GGA3: variants seen among roughly 807,000 people sequenced by gnomAD.
GGA3 encodes the protein ADP-ribosylation factor-binding protein GGA3.
In GGA3, 57 loss-of-function variants were observed where a neutral mutation model predicts 77.5. The ratio of observed to expected loss-of-function variants is 0.74; its 90% CI spans 0.59 to 0.92. The LOEUF (loss-of-function observed/expected upper bound fraction) is 0.92, where lower values mean the gene tolerates loss of function less well. Ranked by LOEUF, GGA3 falls within the 40% of genes least tolerant of loss-of-function variation. GGA3 has a pLI of 0.00. For missense variants in GGA3, 970 were observed against 914.9 expected (o/e 1.06, Z -0.78); for synonymous variants, 416 against 383.7 (o/e 1.08, Z -0.98).
At chr17:75,247,245 A>T (rs1229494914) in intron 1 of GGA3, among the ~76,000 whole-genome samples, 1 of 151,054 alleles carries the variant, frequency 6.6e-6, no homozygotes, top group Non-Finnish European at 1.5e-5. Flanking sequence ...ATAAAAAAAT[A>T]CATATTTGTA....
At position 75,243,138 on chromosome 17, in the gene GGA3, A is replaced by G; in HGVS notation, c.453T>C (p.Pro151=). 6.2e-7 allele frequency: 1 copy of G among 1,612,072 alleles called. No individual in the cohort carries two copies. Among genetic ancestry groups the G allele is most frequent in the Non-Finnish European group, 8.5e-7 (1 of 1,179,276 alleles). The part of the protein sequence containing the change: ...QGIVQSDPPI[P]VDRTLIPSPP... The stretch of plus-strand genomic sequence containing the variant: ...GAGAGGGGATCAGCGTCCTATCCAC[A>G]GGAATTGGTGGGTCAGACTGCACTA... The change falls in exon 6 of 17, where the codon CCT becomes CCC. Residue 151 remains proline (P), a synonymous_variant. Transcript: ENST00000537686.
chr17:75,248,468 C>CAAAAAAGAAAAA (rs2076833504), intron 1 of GGA3, among the ~76,000 whole-genome samples: 1 of 19,758 alleles, frequency 5.1e-5, no homozygotes, highest in Admixed American at 9.7e-4. Flanking sequence ...GACTCCGTCT[C>CAAAAAAGAAAAA]AAAAAAAAAA....
At position 75,237,053 on chromosome 17, in the gene GGA3, C is replaced by T. The variant is rs942546760; in HGVS notation, c.*1226G>A. 1 of 216,036 alleles carries T rather than the reference C, an allele frequency of 4.6e-6. No individual in the cohort carries two copies. The highest frequency in any genetic ancestry group is 9.4e-6 in the Non-Finnish European group (1 of 106,744). The allele number at this position is 216,036 out of a possible 1,614,324, so 13.4% of individuals were successfully genotyped here. A position where few individuals can be genotyped will look rare whatever the true frequency, so the allele number is the denominator to read the frequency against. On this transcript the variant is annotated 3_prime_UTR_variant, in exon 17 of 17. Coordinates refer to ENST00000537686, the MANE Select transcript of GGA3 (RefSeq NM_138619.4). ...TTGTTCACCTGGGCTCCGCAAGCTTCCCCCGTGTCTATGGCAGCTGGTGAT... is the reference window on the plus strand; with the variant it reads ...TTGTTCACCTGGGCTCCGCAAGCTTTCCCCGTGTCTATGGCAGCTGGTGAT...
rs1359433716 is a variant in GGA3, at chr17:75,238,208, G to T, written c.*71C>A. On this transcript the variant is annotated 3_prime_UTR_variant, in exon 17 of 17. Transcript: ENST00000537686. ...CTGTTGTCAGGGCATGGAGAGTGAC[G>T]GGACCAGAGCCCTCCTCGTCTCAGG... 5 of 1,570,962 alleles carry T rather than the reference G, an allele frequency of 3.2e-6. No individual in the cohort carries two copies. The African/African-American group carries it at 5.4e-5, about 17-fold the overall frequency.
At chr17:75,238,614 G>A in intron 16 of GGA3, 38 bp downstream of exon 16, 1 of 1,422,220 alleles carries the variant, frequency 7.0e-7, no homozygotes, top group Non-Finnish European at 9.8e-7. Flanking sequence ...GGGCAGCTGG[G>A]GCCTCAGGCT....
At chr17:75,252,819 T>C (rs1331753044) in intron 1 of GGA3, among the ~76,000 whole-genome samples, 4 of 152,202 alleles carry the variant, frequency 2.6e-5, no homozygotes, top group Admixed American at 2.6e-4. Flanking sequence ...TTAAGAAGGT[T>C]CTTCGTAATT....
At chr17:75,245,648 C>G (rs1396282121) in intron 3 of GGA3, among the ~76,000 whole-genome samples, 1 of 152,172 alleles carries the variant, frequency 6.6e-6, no homozygotes, top group African/African-American at 2.4e-5. Flanking sequence ...CCTCAGCCTC[C>G]CGAGGAGCTG....
At chr17:75,257,804 A>C (rs1389523469) in intron 1 of GGA3, among the ~76,000 whole-genome samples, 1 of 152,030 alleles carries the variant, frequency 6.6e-6, no homozygotes, top group East Asian at 1.9e-4. Flanking sequence ...CTGCCCCAAC[A>C]CTTCAACACT....
chr17:75,248,544 T>C (rs1567795152), intron 1 of GGA3, among the ~76,000 whole-genome samples: 1 of 144,112 alleles, frequency 6.9e-6, no homozygotes, highest in Non-Finnish European at 1.5e-5. Flanking sequence ...CCCAACACTT[T>C]GGGAGGCCGA....
rs1338231649 is a variant in GGA3, at chr17:75,243,101, G to T, written c.490C>A (p.Pro164Thr). The change falls in exon 6 of 17, where the codon CCC becomes ACC. Residue 164 changes from proline to threonine, a missense_variant. Transcript: ENST00000537686. ...RTLIPSPPPRPKNPVFDDEEK... is the reference protein window; with the variant it reads ...RTLIPSPPPRTKNPVFDDEEK... The stretch of plus-strand genomic sequence containing the variant: ...TCATCATCAAAAACAGGGTTTTTGG[G>T]ACGAGGTGGTGGAGAGGGGATCAGC... 1 of 1,613,654 alleles carries T rather than the reference G, an allele frequency of 6.2e-7. No individual in the cohort carries two copies. Among genetic ancestry groups the T allele is most frequent in the South Asian group, 1.1e-5 (1 of 91,008 alleles).
Position 75,242,888 on chromosome 17 carries a change from G to A in GGA3, c.552C>T (p.Ser184=), listed in dbSNP as rs1381180317. ...KSKLLAKLLK[S]KNPDDLQEAN... is the part of the protein sequence containing the mutation. ...CCTCCTGCAGGTCATCTGGGTTTTTGCTTTTCAGCAGCTTGGCTAAAAGCT... is the reference window on the plus strand; with the variant it reads ...CCTCCTGCAGGTCATCTGGGTTTTTACTTTTCAGCAGCTTGGCTAAAAGCT... The change falls in exon 7 of 17, where the codon AGC becomes AGT. Residue 184 remains serine, a synonymous_variant. Coordinates refer to ENST00000537686, the MANE Select transcript of GGA3 (RefSeq NM_138619.4). 1.2e-6 allele frequency: 2 copies of A among 1,613,928 alleles called. No individual in the cohort carries two copies. The highest frequency in any genetic ancestry group is 1.7e-6 in the Non-Finnish European group (2 of 1,179,768).
At chr17:75,258,371 A>G (rs1245434759) in intron 1 of GGA3, among the ~76,000 whole-genome samples, 1 of 152,196 alleles carries the variant, frequency 6.6e-6, no homozygotes, top group Non-Finnish European at 1.5e-5. Flanking sequence ...GCAGAAATTT[A>G]AACTTCTTCG....
chr17:75,258,330 C>G (rs549017228), intron 1 of GGA3, among the ~76,000 whole-genome samples: 1 of 152,260 alleles, frequency 6.6e-6, no homozygotes, highest in Admixed American at 6.5e-5. Context: ...CCGATTTCAC[C>G]TAGTACAGAA....
At position 75,240,968 on chromosome 17, in the gene GGA3, G is replaced by T. The variant is rs2076533015; in HGVS notation, c.1036C>A (p.Pro346Thr). Residue 346 changes from proline to threonine, a missense_variant, in exon 11 of 17, where the codon CCT becomes ACT. Transcript: ENST00000537686. ...GGGATGCCTGAGGAGGGTGGAGTAG[G>T]TGCTGGGGCCAACACGGAGGACAAA... is the stretch of plus-strand genomic sequence containing the variant. ...NSLSSVLAPA[P>T]TPPSSGIPIL... 1 of 1,614,056 alleles carries T rather than the reference G, an allele frequency of 6.2e-7. No individual in the cohort carries two copies. Among genetic ancestry groups the T allele is most frequent in the Non-Finnish European group, 8.5e-7 (1 of 1,180,020 alleles).
rs2076565546 is a variant in GGA3, at chr17:75,241,682, C to T, written c.762G>A (p.Gln254=). ...DRELMKELFD[Q]CENKRRTLFK... is the part of the protein sequence containing the mutation. ...ATAAAGTCCGCCTCTTGTTCTCACA[C>T]TGATCAAACAGCTCCTGAAAGAGAC... is the stretch of plus-strand genomic sequence containing the variant. Residue 254 remains glutamine, a synonymous_variant, in exon 9 of 17, where the codon CAG becomes CAA. Transcript: ENST00000537686. 3.1e-6 allele frequency: 5 copies of T among 1,614,016 alleles called. No homozygotes were observed. In the Admixed American group the frequency reaches 5.0e-5, roughly 16 times the overall value.
chr17:75,248,597 A>G (rs1243198551), intron 1 of GGA3, among the ~76,000 whole-genome samples: 1 of 150,602 alleles, frequency 6.6e-6, no homozygotes, highest in Non-Finnish European at 1.5e-5. Flanking sequence ...GACCAGCCTG[A>G]CCAACATGGA....
At chr17:75,240,548 C>T in intron 11 of GGA3, 136 bp from the exon 12 acceptor site, 1 of 684,402 alleles carries the variant, frequency 1.5e-6, no homozygotes. Flanking sequence ...CTGCAGGCAG[C>T]CTCCAGAGGG....
At position 75,240,058 on chromosome 17, in the gene GGA3, G is replaced by C; in HGVS notation, c.1314C>G (p.Ala438=). ...DFFSPRPGTA[A]CGASDAPLLQ... ...GCAGAGGAGCATCGGAGGCGCCACA[G>C]GCAGCGGTCCCCGGCCTGGGGCTGA... Residue 438 remains alanine (A), a synonymous_variant, in exon 13 of 17, where the codon GCC becomes GCG. Coordinates refer to ENST00000537686, the MANE Select transcript of GGA3 (RefSeq NM_138619.4). The C allele has an allele frequency of 6.4e-7, 1 of 1,552,136 alleles. No individual in the cohort carries two copies. Among genetic ancestry groups the C allele is most frequent in the Non-Finnish European group, 8.7e-7 (1 of 1,148,478 alleles).
intron 1 of GGA3, among the ~76,000 whole-genome samples, chr17:75,260,109 C>T (rs1215855802): frequency 6.6e-6 from 1 of 152,090 alleles, no homozygotes; most frequent in African/African-American, 2.4e-5. Flanking sequence ...TGATCGCACC[C>T]CTGCACTCCA....
Sources: allele counts gnomAD v4.1 joint callset (sites outside exome capture counted in the v4.1 genomes callset), GRCh38; gene constraint gnomAD v4.1.1; transcripts MANE v1.5; gene names NCBI Gene and HGNC (gene_info 2026-07-23, HGNC 2026-07-21).